Variants in PDE1C observed in about 807,000 individuals in gnomAD.
The protein encoded by PDE1C is dual specificity calcium/calmodulin-dependent 3',5'-cyclic nucleotide phosphodiesterase 1C.
A neutral mutation model predicts 93.1 loss-of-function variants in PDE1C; 62 were observed. The ratio of observed to expected loss-of-function variants is 0.67; its 90% CI spans 0.54 to 0.82. The LOEUF is 0.82. Ranked by LOEUF, PDE1C falls within the 40% of genes least tolerant of loss-of-function variation. The pLI is 0.00. For synonymous variants in PDE1C, 325 were observed against 310.1 expected, an observed-to-expected ratio of 1.05 and a Z score of -0.50; for missense variants, 742 against 884.6, an observed-to-expected ratio of 0.84 and a Z score of 2.04.
At chr7:32,407,646 G>T (rs952578925) in intron 1 of PDE1C, among the ~76,000 whole-genome samples, 2 of 152,242 alleles carry the variant, frequency 1.3e-5, no homozygotes, top group African/African-American at 4.8e-5. Flanking sequence ...ATCCTACTAC[G>T]TACATTTCTA....
chr7:31,618,474 A>AG, the PDE1C span, among the ~76,000 whole-genome samples: 1 of 152,154 alleles, frequency 6.6e-6, no homozygotes, highest in Admixed American at 6.5e-5. Flanking sequence ...TCAAGAAGGG[A>AG]AATATTTCTT....
rs558511587 is a variant in PDE1C, at chr7:31,783,574, G to A, written c.1892-7842C>T. On this transcript the variant is annotated intron_variant, in intron 16 of 17. Transcript: ENST00000396191. Reference sequence around the variant, plus strand: ...ATTTGGTAATCAGAAGAACATACAAGTACTTATGCATTACTAGATGCTGGG... The same window carrying A: ...ATTTGGTAATCAGAAGAACATACAAATACTTATGCATTACTAGATGCTGGG... 2.0e-5 allele frequency: 3 copies of A among 151,776 alleles called. No individual in the cohort carries two copies. The East Asian group carries it at 5.8e-4, about 29-fold the overall frequency. The allele number at this position is 151,776 out of a possible 1,614,324, so 9.4% of individuals were successfully genotyped here.
intron 2 of PDE1C, among the ~76,000 whole-genome samples, chr7:31,904,822 C>T (rs190479864): frequency 2.6e-4 from 40 of 152,220 alleles, no homozygotes; most frequent in Admixed American, 1.4e-3. Context: ...GTCAATCAAC[C>T]ATATTTGTTG....
chr7:32,012,148 G>A (rs1787220505), intron 2 of PDE1C, among the ~76,000 whole-genome samples: 1 of 152,166 alleles, frequency 6.6e-6, no homozygotes, highest in East Asian at 1.9e-4. Flanking sequence ...AATTCCTAAA[G>A]AAAAGAGGTT....
At chr7:31,622,141 C>T in the PDE1C span, among the ~76,000 whole-genome samples, 1 of 136,226 alleles carries the variant, frequency 7.3e-6, no homozygotes, top group African/African-American at 2.8e-5. Context: ...CTTAGACTCC[C>T]ACACATTAAT....
chr7:31,783,438 A>G (rs958534654), intron 16 of PDE1C: 17 of 152,170 alleles, frequency 1.1e-4, no homozygotes, highest in African/African-American at 3.9e-4. Context: ...CTGAGTTTGG[A>G]CAGCTCTATA....
At chr7:32,266,198 C>T (rs1032811274) in intron 1 of PDE1C, among the ~76,000 whole-genome samples, 1 of 151,950 alleles carries the variant, frequency 6.6e-6, no homozygotes, top group South Asian at 2.1e-4. Flanking sequence ...AGGAGAATGG[C>T]GTGAACCTGG....
the PDE1C span, chr7:31,652,468 G>T: frequency 2.7e-4 from 411 of 1,524,338 alleles, 1 homozygote; most frequent in African/African-American, 4.8e-3. Context: ...AAGCTGTTTG[G>T]TGCCAATGTG....
intron 14 of PDE1C, among the ~76,000 whole-genome samples, chr7:31,817,720 G>A (rs1016718849): frequency 6.6e-6 from 1 of 152,106 alleles, no homozygotes; most frequent in African/African-American, 2.4e-5. Flanking sequence ...AAAAGCTAAT[G>A]CTCATAAATA....
At chr7:32,035,174 G>C (rs116690752) in intron 2 of PDE1C, among the ~76,000 whole-genome samples, 6,357 of 151,856 alleles carry the variant, frequency 0.042, 157 homozygotes, top group Middle Eastern at 0.088. Flanking sequence ...AACTACAAAT[G>C]ACATCTCCAA....
In PDE1C at chr7:32,238,168, TAAC is replaced by T. The variant is rs546910412; in HGVS notation, c.86-28632_86-28630del. On this transcript the variant is annotated intron_variant, in intron 1 of 18. Transcript: ENST00000396193. ...GCAAAGTTGCTGGATCTAAGGCTAATAACAAAAATCTATATTGTGTTCCTTTAC... is the reference window on the plus strand; with the variant it reads ...GCAAAGTTGCTGGATCTAAGGCTAATAAAAATCTATATTGTGTTCCTTTAC... 2.7e-3 allele frequency among the ~76,000 whole-genome samples: 405 copies of T among 152,288 alleles called. 5 individuals are homozygous for T. The highest frequency in any genetic ancestry group is 9.0e-3 in the African/African-American group (373 of 41,562).
At chr7:31,681,667 A>T in the PDE1C span, among the ~76,000 whole-genome samples, 1 of 152,068 alleles carries the variant, frequency 6.6e-6, no homozygotes, top group Non-Finnish European at 1.5e-5. Context: ...TGTTTTTCAC[A>T]TTTACTCCCT....
At chr7:31,713,266 T>A in the PDE1C span, among the ~76,000 whole-genome samples, 15 of 152,164 alleles carry the variant, frequency 9.9e-5, no homozygotes, top group African/African-American at 3.1e-4. Context: ...CCAGGGCCCA[T>A]GCAAGTCCCA....
chr7:32,205,541 T>C (rs1375872367), intron 2 of PDE1C, among the ~76,000 whole-genome samples: 1 of 152,152 alleles, frequency 6.6e-6, no homozygotes. Flanking sequence ...ATCAGCACTC[T>C]GTAAAATGGA....
chr7:32,042,233 G>T (rs71530572), intron 2 of PDE1C, among the ~76,000 whole-genome samples: 1 of 152,210 alleles, frequency 6.6e-6, no homozygotes, highest in South Asian at 2.1e-4. Flanking sequence ...TGGGGAGGCA[G>T]AGGTTGCAGT....
intron 2 of PDE1C, among the ~76,000 whole-genome samples, chr7:31,932,400 G>A (rs1804436620): frequency 6.6e-6 from 1 of 152,154 alleles, no homozygotes; most frequent in African/African-American, 2.4e-5. Flanking sequence ...ATCAAAAAGT[G>A]GGTGAAGGAT....
intron 2 of PDE1C, among the ~76,000 whole-genome samples, chr7:31,896,497 C>G (rs1267414486): frequency 2.0e-5 from 3 of 152,140 alleles, no homozygotes; most frequent in African/African-American, 7.2e-5. Context: ...AATATACTCC[C>G]CAGAAAGCTT....
intron 1 of PDE1C, among the ~76,000 whole-genome samples, chr7:32,266,493 C>T (rs1471817498): frequency 6.7e-6 from 1 of 149,022 alleles, no homozygotes; most frequent in Non-Finnish European, 1.5e-5. Flanking sequence ...GAGTGAGACT[C>T]CGTCAAAAAA....
intron 7 of PDE1C, among the ~76,000 whole-genome samples, chr7:31,860,701 A>G (rs1027712738): frequency 6.6e-6 from 1 of 152,132 alleles, no homozygotes; most frequent in Non-Finnish European, 1.5e-5. Context: ...AAAGCTTTTA[A>G]CTTTAATGTA....
Sources: gnomAD v4.1 joint callset for allele counts (sites outside exome capture counted in the v4.1 genomes callset) on GRCh38, gnomAD v4.1.1 for gene constraint, MANE v1.5 for transcripts, NCBI Gene and HGNC (gene_info 2026-07-23, HGNC 2026-07-21) for gene names.